The following ZMYND12 variants were observed in gnomAD, a reference collection of about 807,000 sequenced individuals.
ZMYND12 encodes zinc finger MYND domain-containing protein 12.
ZMYND12 carries 32 observed loss-of-function variants against 41.7 expected under a neutral mutation model. That is an observed-to-expected ratio of 0.77 (90% CI 0.58 to 1.03). ZMYND12 has a LOEUF of 1.03. Among genes scored for constraint, ZMYND12 ranks in the 50% least tolerant of loss-of-function variants. ZMYND12 has a pLI of 0.00. For missense variants in ZMYND12, 424 were observed against 438.5 expected, an observed-to-expected ratio of 0.97 and a Z score of 0.30; for synonymous variants, 148 against 164.8, an observed-to-expected ratio of 0.90 and a Z score of 0.78.
intron 3 of ZMYND12, among the ~76,000 whole-genome samples, chr1:42,444,081 T>C (rs1308252356): frequency 6.6e-6 from 1 of 152,168 alleles, no homozygotes; most frequent in Non-Finnish European, 1.5e-5. Flanking sequence ...CAGGCTGATC[T>C]TGAATTCCTG....
At chr1:42,448,102 CAG>C (rs1277032968) in intron 3 of ZMYND12, among the ~76,000 whole-genome samples, 1 of 150,916 alleles carries the variant, frequency 6.6e-6, no homozygotes. Flanking sequence ...ATCTGGTCTG[CAG>C]AGAGGGAAAA....
At chr1:42,455,412 A>G (rs1643150796) in intron 1 of ZMYND12, among the ~76,000 whole-genome samples, 1 of 152,256 alleles carries the variant, frequency 6.6e-6, no homozygotes, top group Non-Finnish European at 1.5e-5. Flanking sequence ...AGCTGGGATT[A>G]CAGGCGCCCA....
intron 5 of ZMYND12, among the ~76,000 whole-genome samples, chr1:42,435,795 T>C (rs191007263): frequency 1.9e-4 from 29 of 152,360 alleles, no homozygotes; most frequent in African/African-American, 6.3e-4. Context: ...ATAGCCAGAA[T>C]TTAAACCCTG....
At chr1:42,434,493 G>A (rs954269681) in intron 6 of ZMYND12, among the ~76,000 whole-genome samples, 6 of 152,150 alleles carry the variant, frequency 3.9e-5, no homozygotes, top group African/African-American at 1.2e-4. Flanking sequence ...CTGCACAGCA[G>A]GTGGTGAGCA....
At chr1:42,433,384 AGCCTT>A in intron 6 of ZMYND12, 96 bp from the exon 7 acceptor site, 10 of 1,393,510 alleles carry the variant, frequency 7.2e-6, no homozygotes, top group Non-Finnish European at 9.5e-6. Flanking sequence ...GGTCTGCTGA[AGCCTT>A]CCCAAGGGCA....
chr1:42,437,697 T>C (rs1045253278), intron 4 of ZMYND12, among the ~76,000 whole-genome samples: 4 of 150,586 alleles, frequency 2.7e-5, no homozygotes, highest in African/African-American at 4.9e-5. Flanking sequence ...ATTTTTTTTT[T>C]TGGAGACTGA....
intron 6 of ZMYND12, among the ~76,000 whole-genome samples, chr1:42,433,851 T>C (rs1383124031): frequency 6.6e-6 from 1 of 152,218 alleles, no homozygotes; most frequent in Non-Finnish European, 1.5e-5. Context: ...GAGAAGTCAC[T>C]ACATGCATTT....
rs72950580 is a variant in ZMYND12, at chr1:42,454,702, A to C, written c.110+1186T>G. On this transcript the variant is annotated intron_variant, in intron 1 of 7. Coordinates refer to ENST00000372565, the MANE Select transcript of ZMYND12 (RefSeq NM_032257.5). ...CTACTACCTATCACAATGATGTTCC[A>C]ACTTTTTTTTTTTTTTTTGAGACAC... Among the ~76,000 whole-genome samples, 1,171 of 131,684 alleles carry C rather than the reference A, an allele frequency of 8.9e-3. 10 individuals are homozygous for C. Among genetic ancestry groups the C allele is most frequent in the African/African-American group, 0.027 (1,059 of 38,748 alleles). The allele number at this position is 131,684 out of a possible 152,430, so 86.4% of individuals were successfully genotyped here.
At chr1:42,453,288 A>G (rs535023151) in intron 1 of ZMYND12, among the ~76,000 whole-genome samples, 1 of 152,354 alleles carries the variant, frequency 6.6e-6, no homozygotes, top group East Asian at 1.9e-4. Context: ...ATAGAAGATG[A>G]TAATTTATAC....
chr1:42,444,893 C>T (rs1643006753), intron 3 of ZMYND12, among the ~76,000 whole-genome samples: 1 of 150,458 alleles, frequency 6.6e-6, no homozygotes, highest in African/African-American at 2.4e-5. Context: ...CTGTAAGCTC[C>T]GCCCCCCGGG....
chr1:42,452,089 G>C (rs896789045), intron 1 of ZMYND12, among the ~76,000 whole-genome samples: 2 of 151,936 alleles, frequency 1.3e-5, no homozygotes, highest in African/African-American at 4.8e-5. Context: ...ATATCTTTAG[G>C]TAGGGCATTC....
chr1:42,444,874 C>T (rs1349119887), intron 3 of ZMYND12, among the ~76,000 whole-genome samples: 1 of 143,368 alleles, frequency 7.0e-6, no homozygotes, highest in African/African-American at 2.6e-5. Context: ...GTGGTGCGAT[C>T]TCCTCTCACT....
chr1:42,432,060 C>CTTTT lies in ZMYND12; in HGVS notation c.975+1079_975+1082dup, dbSNP rs111394001. On this transcript the variant is annotated intron_variant, in intron 7 of 7. Transcript: ENST00000372565. ...TTCTTCTTCTTTTCTTTTTCTTTTT[C>CTTTT]TTTTTTTTTTTTTTGAGACAGGATC... Among the ~76,000 whole-genome samples the CTTTT allele has an allele frequency of 8.9e-4, 118 of 132,976 alleles. 3 individuals carry two copies. Among genetic ancestry groups the CTTTT allele is most frequent in the Middle Eastern group, 7.8e-3 (2 of 258 alleles). The allele number at this position is 132,976 out of a possible 152,430, so 87.2% of individuals were successfully genotyped here. A position where few individuals can be genotyped will look rare whatever the true frequency, so the allele number is the denominator to read the frequency against.
rs376712548 is a variant in ZMYND12 at position 42,430,773 on chromosome 1, A to G, written c.1061T>C (p.Leu354Ser). 1 of 1,614,016 alleles carries G rather than the reference A, an allele frequency of 6.2e-7. No homozygotes were observed. Among genetic ancestry groups the G allele is most frequent in the African/African-American group, 1.3e-5 (1 of 74,902 alleles). The change falls in exon 8 of 8, where the codon TTA (leucine) becomes TCA (serine). Residue 354 changes from leucine to serine, a missense_variant. Coordinates refer to ENST00000372565, the MANE Select transcript of ZMYND12 (RefSeq NM_032257.5). ...ATGGTCTTCAGTTGAAATGAGACTTAATAACTCTTGAATGGTGCTTTGCTC... is the reference window on the plus strand; with the variant it reads ...ATGGTCTTCAGTTGAAATGAGACTTGATAACTCTTGAATGGTGCTTTGCTC... ...VHEQSTIQEL[L>S]SLISTEDHPI...
intron 4 of ZMYND12, among the ~76,000 whole-genome samples, chr1:42,438,381 A>C (rs1172483203): frequency 4.6e-5 from 7 of 152,304 alleles, no homozygotes; most frequent in African/African-American, 1.7e-4. Context: ...TACCAACAGC[A>C]AGAAACTATT....
intron 3 of ZMYND12, among the ~76,000 whole-genome samples, chr1:42,445,510 T>G (rs1557769668): frequency 6.6e-6 from 1 of 151,164 alleles, no homozygotes; most frequent in Non-Finnish European, 1.5e-5. Flanking sequence ...GTAGTAACCC[T>G]TGAGCTGAAA....
At chr1:42,449,352 C>A (rs931643449) in intron 2 of ZMYND12, among the ~76,000 whole-genome samples, 3 of 152,146 alleles carry the variant, frequency 2.0e-5, no homozygotes, top group Non-Finnish European at 4.4e-5. Context: ...TGAACTGTGT[C>A]CCCTGCCAAA....
At chr1:42,454,322 AAC>A (rs1389104672) in intron 1 of ZMYND12, among the ~76,000 whole-genome samples, 1 of 152,226 alleles carries the variant, frequency 6.6e-6, no homozygotes, top group African/African-American at 2.4e-5. Flanking sequence ...TAGCAATGAA[AAC>A]ACAGATACCA....
intron 7 of ZMYND12, among the ~76,000 whole-genome samples, chr1:42,431,462 AT>A (rs757840699): frequency 1.3e-5 from 2 of 152,202 alleles, no homozygotes; most frequent in Non-Finnish European, 2.9e-5. Context: ...AAAATAAAGC[AT>A]GAAAGGGGAT....
Sources: gnomAD v4.1 joint callset for allele counts (sites outside exome capture counted in the v4.1 genomes callset) on GRCh38, gnomAD v4.1.1 for gene constraint, MANE v1.5 for transcripts, NCBI Gene and HGNC (gene_info 2026-07-23, HGNC 2026-07-21) for gene names.